Variants in ASXL1 observed in about 807,000 individuals in gnomAD.
The protein encoded by ASXL1 is ASXL transcriptional regulator 1, also known as polycomb group protein ASXL1.
A neutral mutation model predicts 89.1 loss-of-function variants in ASXL1; 65 were observed. The observed-to-expected ratio is 0.73, with a 90% CI of 0.60 to 0.90. The LOEUF (loss-of-function observed/expected upper bound fraction) is 0.90, where lower values mean the gene tolerates loss of function less well. ASXL1 is among the 40% of genes least tolerant of loss of function. ASXL1 has a pLI of 0.00. For synonymous variants in ASXL1, 739 were observed against 746.9 expected (o/e 0.99, Z 0.17); for missense variants, 1,786 against 1,942.9 (o/e 0.92, Z 1.52).
intron 4 of ASXL1, among the ~76,000 whole-genome samples, chr20:32,381,512 T>C (rs2048484647): frequency 6.9e-6 from 1 of 145,948 alleles, no homozygotes; most frequent in African/African-American, 2.6e-5. Context: ...CTTACCAAAA[T>C]CTTTTTTTTT....
chr20:32,437,648 G>T lies in ASXL1; in HGVS notation c.*310G>T. On this transcript the variant is annotated 3_prime_UTR_variant, in exon 13 of 13. Coordinates refer to ENST00000375687, the MANE Select transcript of ASXL1 (RefSeq NM_015338.6). ...GGGGGGACTGCCTGACTCCCAGAGG[G>T]ACTTGAAACTGAAGCAAGAAGGTTG... 2.2e-6 allele frequency: 1 copy of T among 450,220 alleles called. No individual in the cohort carries two copies. Among genetic ancestry groups the T allele is most frequent in the East Asian group, 3.9e-5 (1 of 25,638 alleles). The allele number at this position is 450,220 out of a possible 1,614,324, so 27.9% of individuals were successfully genotyped here.
At chr20:32,360,198 T>C (rs1440971599) in intron 1 of ASXL1, 1 of 190,994 alleles carries the variant, frequency 5.2e-6, no homozygotes, top group African/African-American at 2.3e-5. Flanking sequence ...TTTTCATTGG[T>C]GCTTGCTATC....
At chr20:32,425,516 C>T (rs1476757614) in intron 4 of ASXL1, among the ~76,000 whole-genome samples, 1 of 152,148 alleles carries the variant, frequency 6.6e-6, no homozygotes, top group Non-Finnish European at 1.5e-5. Context: ...TTAATTGTAG[C>T]CATTCTGATG....
Position 32,358,785 on chromosome 20 carries a change from A to C in ASXL1, c.10A>C (p.Lys4Gln). The C allele has an allele frequency of 7.0e-7, 1 of 1,438,350 alleles. No individual in the cohort carries two copies. The highest frequency in any genetic ancestry group is 9.2e-7 in the Non-Finnish European group (1 of 1,083,778). 89.1% of individuals were successfully genotyped at this position (1,438,350 alleles called of 1,614,324 possible). A position where few individuals can be genotyped will look rare whatever the true frequency, so the allele number is the denominator to read the frequency against. The change falls in exon 1 of 13, where the codon AAA (lysine) becomes CAA (glutamine). Residue 4 changes from lysine (K) to glutamine (Q), a missense_variant. Physicochemically the swap from Lys to Gln is moderately conservative, Grantham distance 53. Coordinates refer to ENST00000375687, the MANE Select transcript of ASXL1 (RefSeq NM_015338.6). MKD[K>Q]QKKKKERTWA... ...GCCGCCGGGGAGAAGGATGAAGGAC[A>C]AACAGAAGAAGAAGAAGGAGCGCAC...
chr20:32,358,485 T>A lies in ASXL1; in HGVS notation c.-291T>A, dbSNP rs1475912014. ...GAGCCGTGACCTCTGACCCCGTGGT[T>A]ATGCGGAGCCGCCGCATTCCTTAGC... On this transcript the variant is annotated 5_prime_UTR_variant, in exon 1 of 13. Coordinates refer to ENST00000375687, the MANE Select transcript of ASXL1 (RefSeq NM_015338.6). 4.3e-6 allele frequency: 1 copy of A among 230,798 alleles called. No homozygotes were observed. Among genetic ancestry groups the A allele is most frequent in the Non-Finnish European group, 8.6e-6 (1 of 116,812 alleles). 14.3% of individuals were successfully genotyped at this position (230,798 alleles called of 1,614,324 possible).
At chr20:32,409,291 G>A (rs779119023) in intron 4 of ASXL1, among the ~76,000 whole-genome samples, 14 of 152,082 alleles carry the variant, frequency 9.2e-5, no homozygotes, top group Non-Finnish European at 1.5e-4. Context: ...TTTTATTTTC[G>A]ATGCTATTAT....
chr20:32,366,580 T>C, intron 2 of ASXL1, 114 bp downstream of exon 2: 3 of 1,577,840 alleles, frequency 1.9e-6, no homozygotes, highest in Non-Finnish European at 2.6e-6. Context: ...CTGTGTCTGG[T>C]AGTGAGATGG....
At chr20:32,399,221 A>C (rs1335637335) in intron 4 of ASXL1, among the ~76,000 whole-genome samples, 1 of 152,044 alleles carries the variant, frequency 6.6e-6, no homozygotes, top group East Asian at 1.9e-4. Flanking sequence ...AAAGAAAAAA[A>C]AAAGAATACG....
intron 4 of ASXL1, among the ~76,000 whole-genome samples, chr20:32,411,047 T>TAAA (rs1247010175): frequency 8.1e-5 from 1 of 12,376 alleles, no homozygotes; most frequent in African/African-American, 1.4e-4. Flanking sequence ...AAAAAAAAAA[T>TAAA]AAAAAAAATA....
chr20:32,403,950 G>A (rs2048914823), intron 4 of ASXL1, among the ~76,000 whole-genome samples: 1 of 151,950 alleles, frequency 6.6e-6, no homozygotes, highest in Non-Finnish European at 1.5e-5. Flanking sequence ...CAGGTATGCA[G>A]TGTATAATGA....
Position 32,429,533 on chromosome 20 carries a change from C to G in ASXL1, c.565+102C>G, listed in dbSNP as rs2011454311. On this transcript the variant is annotated intron_variant, in intron 7 of 12. Coordinates refer to ENST00000375687, the MANE Select transcript of ASXL1 (RefSeq NM_015338.6). This position sits in a 1 kb window ranked among gnomAD's most constrained non-coding sequence, Gnocchi z 4.9. ...ACCTAATAGTGCGATACTAGGAGAG[C>G]TGTCGGGCCACAGGCAAGAGCCCTG... 6 of 1,242,506 alleles carry G rather than the reference C, an allele frequency of 4.8e-6. No individual in the cohort carries two copies. The highest frequency in any genetic ancestry group is 7.0e-6 in the Non-Finnish European group (6 of 855,178). The allele number at this position is 1,242,506 out of a possible 1,614,324, so 77.0% of individuals were successfully genotyped here.
intron 4 of ASXL1, among the ~76,000 whole-genome samples, chr20:32,383,117 A>C (rs2048517409): frequency 6.6e-6 from 1 of 152,026 alleles, no homozygotes; most frequent in Non-Finnish European, 1.5e-5. Flanking sequence ...TGGTTTTCTG[A>C]CCTTTGGCCA....
rs778130069 is a variant in ASXL1, at chr20:32,434,869, G to A, written c.2157G>A (p.Glu719=). The change falls in exon 13 of 13, where the codon GAG becomes GAA. Residue 719 remains glutamate (E), a synonymous_variant. Coordinates refer to ENST00000375687, the MANE Select transcript of ASXL1 (RefSeq NM_015338.6). ...AGTAMSRARR[E]DLPSLRKEES... ...CTGCCATGTCCAGAGCTAGGAGAGA[G>A]GACCTGCCTTCTCTGAGAAAGGAGG... The A allele has an allele frequency of 1.2e-6, 2 of 1,614,066 alleles. No homozygotes were observed. Among genetic ancestry groups the A allele is most frequent in the African/African-American group, 2.7e-5 (2 of 74,940 alleles).
chr20:32,425,773 C>G (rs1417633888), intron 4 of ASXL1, among the ~76,000 whole-genome samples: 1 of 152,158 alleles, frequency 6.6e-6, no homozygotes, highest in Non-Finnish European at 1.5e-5. Context: ...GTGGCACAAT[C>G]TTGGCTCACT....
At chr20:32,396,796 T>G (rs947600466) in intron 4 of ASXL1, among the ~76,000 whole-genome samples, 1 of 152,150 alleles carries the variant, frequency 6.6e-6, no homozygotes, top group Non-Finnish European at 1.5e-5. Flanking sequence ...TCATTCTCTC[T>G]CAGTATACAT....
Position 32,434,632 on chromosome 20 carries a change from CATCGGAGGGGG to C in ASXL1, c.1921_1931del (p.Ile641GlyfsTer13). 6.2e-7 allele frequency: 1 copy of C among 1,608,820 alleles called. No individual in the cohort carries two copies. The highest frequency in any genetic ancestry group is 8.5e-7 in the Non-Finnish European group (1 of 1,177,510). ...GCCATAGAGAGGCGGCCACCACTGC[CATCGGAGGGGG>C]GGGTGGCCCGGGTGGAGGTGGCGGC... On this transcript the variant is annotated frameshift_variant, in exon 13 of 13. Transcript: ENST00000375687. LOFTEE classifies it low-confidence loss of function (END_TRUNC).
chr20:32,424,508 C>T (rs1207326738), intron 4 of ASXL1, among the ~76,000 whole-genome samples: 1 of 152,190 alleles, frequency 6.6e-6, no homozygotes, highest in Non-Finnish European at 1.5e-5. Flanking sequence ...GCACTCCATC[C>T]TGGGTGACAG....
chr20:32,390,119 A>G (rs2048646244), intron 4 of ASXL1, among the ~76,000 whole-genome samples: 1 of 152,198 alleles, frequency 6.6e-6, no homozygotes, highest in Admixed American at 6.5e-5. Context: ...TGTAAATCCT[A>G]ACTTAGCCTA....
At chr20:32,396,659 C>T (rs984325758) in intron 4 of ASXL1, among the ~76,000 whole-genome samples, 1 of 152,182 alleles carries the variant, frequency 6.6e-6, no homozygotes, top group African/African-American at 2.4e-5. Context: ...AGACTACTGT[C>T]AGAATAATTC....
Sources: gnomAD v4.1 joint callset for allele counts (sites outside exome capture counted in the v4.1 genomes callset) on GRCh38, gnomAD v4.1.1 for gene constraint, Gnocchi (gnomAD v3.1) non-coding constraint, MANE v1.5 for transcripts, NCBI Gene and HGNC (gene_info 2026-07-23, HGNC 2026-07-21) for gene names.